Variants in STAB2 observed in about 807,000 individuals in gnomAD.
The protein encoded by STAB2 is stabilin 2, also known as stabilin-2.
A neutral mutation model predicts 338.1 loss-of-function variants in STAB2; 288 were observed. The observed-to-expected ratio is 0.85, with a 90% CI of 0.77 to 0.94. The LOEUF (loss-of-function observed/expected upper bound fraction) is 0.94. Among genes scored for constraint, STAB2 ranks in the 40% least tolerant of loss-of-function variants. The pLI, the probability that STAB2 is intolerant of heterozygous loss-of-function variation, is 0.00. For synonymous variants in STAB2, 1,202 were observed against 1,193.3 expected, an observed-to-expected ratio of 1.01 and a Z score of -0.15; for missense variants, 3,141 against 3,210.1, an observed-to-expected ratio of 0.98 and a Z score of 0.52.
intron 43 of STAB2, 136 bp from the exon 44 acceptor site, chr12:103,717,634 A>T: frequency 1.4e-6 from 1 of 690,592 alleles, no homozygotes. Flanking sequence ...ATTATAAAAT[A>T]GATATTACCA....
At chr12:103,622,707 A>G (rs916535188) in intron 5 of STAB2, among the ~76,000 whole-genome samples, 3 of 152,334 alleles carry the variant, frequency 2.0e-5, no homozygotes, top group African/African-American at 7.2e-5. Context: ...AAACAGAGAC[A>G]GTGTTTCCTG....
intron 20 of STAB2, 80 bp from the exon 21 acceptor site, chr12:103,669,461 T>C (rs992042536): frequency 1.6e-6 from 2 of 1,250,028 alleles, no homozygotes; most frequent in South Asian, 1.2e-5. Flanking sequence ...AGTATAATAA[T>C]GGAAATTAAA....
intron 3 of STAB2, 23 bp from the exon 4 acceptor site, chr12:103,620,445 A>G (rs1593149827): frequency 1.3e-6 from 2 of 1,562,840 alleles, no homozygotes; most frequent in African/African-American, 1.4e-5. Flanking sequence ...GAATGAATAC[A>G]TCTGAGCTGT....
chr12:103,672,752 T>C (rs1246253117), intron 22 of STAB2, among the ~76,000 whole-genome samples: 1 of 152,174 alleles, frequency 6.6e-6, no homozygotes, highest in Non-Finnish European at 1.5e-5. Flanking sequence ...TCTGATGAGG[T>C]GGCCCGTGTT....
intron 59 of STAB2, among the ~76,000 whole-genome samples, chr12:103,749,795 G>A (rs1005374275): frequency 7.6e-6 from 1 of 132,338 alleles, no homozygotes; most frequent in Non-Finnish European, 1.5e-5. Flanking sequence ...AGCCGAGATC[G>A]TGCCACTGCA....
At chr12:103,591,155 C>T in intron 2 of STAB2, 125 bp downstream of exon 2, 1 of 1,302,036 alleles carries the variant, frequency 7.7e-7, no homozygotes, top group East Asian at 2.4e-5. Context: ...ACTTAGGTAA[C>T]TCACAATTTA....
At chr12:103,628,262 G>A (rs1410478824) in intron 5 of STAB2, among the ~76,000 whole-genome samples, 1 of 152,184 alleles carries the variant, frequency 6.6e-6, no homozygotes, top group African/African-American at 2.4e-5. Flanking sequence ...TGATACACTG[G>A]TAGTAATGAT....
Position 103,699,151 on chromosome 12 carries a change from A to C in STAB2, c.3638A>C (p.Asp1213Ala). 1 of 1,613,522 alleles carries C rather than the reference A, an allele frequency of 6.2e-7. No individual in the cohort carries two copies. Among genetic ancestry groups the C allele is most frequent in the Non-Finnish European group, 8.5e-7 (1 of 1,179,636 alleles). The change falls in exon 34 of 69, where the codon GAC becomes GCC. Residue 1213 changes from aspartate (D) to alanine (A), a missense_variant. Transcript: ENST00000388887. ...CTGGAGGAGAAACTCCTGAAGAATG[A>C]CCTGCACAATGGCATGCATCGTGAG... ...VVLEEKLLKN[D>A]LHNGMHRETM...
chr12:103,644,675 A>G (rs10861066), intron 9 of STAB2, among the ~76,000 whole-genome samples: 32,715 of 152,202 alleles, frequency 0.21, 3,756 homozygotes, highest in South Asian at 0.38. Context: ...CCTGTCACCA[A>G]TTAACACAGT....
intron 68 of STAB2, 189 bp downstream of exon 68, chr12:103,763,797 C>A (rs1884715345): frequency 1.9e-6 from 1 of 535,994 alleles, no homozygotes; most frequent in Non-Finnish European, 3.3e-6. Flanking sequence ...TTCCTGGGTT[C>A]TCTTGGGTAG....
intron 26 of STAB2, 31 bp downstream of exon 26, chr12:103,683,331 TA>T (rs59684257): frequency 0.15 from 174,247 of 1,151,852 alleles, 435 homozygotes; most frequent in African/African-American, 0.2. Flanking sequence ...TTTCATTACT[TA>T]AAAAAAAAAA....
chr12:103,591,071 ACTTGAAGCTC>A, intron 2 of STAB2, 41 bp downstream of exon 2: 1 of 1,610,264 alleles, frequency 6.2e-7, no homozygotes. Flanking sequence ...TATGAATCCA[ACTTGAAGCTC>A]CCTGTCTCAA....
At chr12:103,682,897 A>C (rs1363279641) in intron 25 of STAB2, among the ~76,000 whole-genome samples, 2 of 152,266 alleles carry the variant, frequency 1.3e-5, no homozygotes, top group South Asian at 4.1e-4. Flanking sequence ...GCAGTGAGCC[A>C]AGATCATGCT....
intron 40 of STAB2, 25 bp from the exon 41 acceptor site, chr12:103,712,342 C>T: frequency 6.3e-7 from 1 of 1,590,956 alleles, no homozygotes; most frequent in Non-Finnish European, 8.6e-7. Flanking sequence ...TTTCTACAAA[C>T]CCCATTTGTC....
chr12:103,638,635 T>A (rs1459600205), intron 8 of STAB2, among the ~76,000 whole-genome samples: 1 of 152,148 alleles, frequency 6.6e-6, no homozygotes, highest in African/African-American at 2.4e-5. Flanking sequence ...ACAGATAAAA[T>A]GTCAGGCAGC....
chr12:103,762,467 G>A (rs1884609664), intron 67 of STAB2, 65 bp downstream of exon 67: 2 of 1,608,980 alleles, frequency 1.2e-6, no homozygotes, highest in Non-Finnish European at 1.7e-6. Context: ...CTGGACCTGG[G>A]CTGCTTCAGT....
rs1261481746 is a variant in STAB2, at chr12:103,755,632, G to A, written c.6901G>A (p.Val2301Met). The A allele has an allele frequency of 2.5e-6, 4 of 1,614,140 alleles. No individual in the cohort carries two copies. In the Admixed American group the frequency reaches 6.7e-5, roughly 27 times the overall value. The change falls in exon 63 of 69, where the codon GTG becomes ATG. Residue 2301 changes from valine (V) to methionine (M), a missense_variant. By Grantham distance (21) the Val-to-Met change is conservative. Coordinates refer to ENST00000388887, the MANE Select transcript of STAB2 (RefSeq NM_017564.10). ...TCCAGATGTGAACTGCACCTGCAAG[G>A]TGGGCTATGTGGGAGATGGCTTCTC... ...RMKDVNCTCKVGYVGDGFSCS... is the reference protein window; with the variant it reads ...RMKDVNCTCKMGYVGDGFSCS...
intron 45 of STAB2, among the ~76,000 whole-genome samples, chr12:103,725,834 T>C (rs1002054985): frequency 6.6e-6 from 1 of 152,210 alleles, no homozygotes; most frequent in Non-Finnish European, 1.5e-5. Flanking sequence ...TTTTTTTAAA[T>C]ATTTGAAAGT....
chr12:103,667,908 G>T (rs1260295402), intron 19 of STAB2, among the ~76,000 whole-genome samples: 2 of 152,102 alleles, frequency 1.3e-5, no homozygotes, highest in African/African-American at 4.8e-5. Flanking sequence ...GGCAGCTGAG[G>T]CCCACAGAGG....
Sources: allele counts gnomAD v4.1 joint callset (sites outside exome capture counted in the v4.1 genomes callset), GRCh38; gene constraint gnomAD v4.1.1; transcripts MANE v1.5; gene names NCBI Gene and HGNC (gene_info 2026-07-23, HGNC 2026-07-21).